The following ANKS1B variants were observed in gnomAD, a reference collection of about 807,000 sequenced individuals.
The protein encoded by ANKS1B is ankyrin repeat and sterile alpha motif domain-containing protein 1B.
In ANKS1B, 36 loss-of-function variants were observed where a neutral mutation model predicts 148.3. The ratio of observed to expected loss-of-function variants is 0.24; its 90% CI spans 0.19 to 0.32. ANKS1B has a LOEUF of 0.32. Ranked by LOEUF, ANKS1B falls within the 10% of genes least tolerant of loss-of-function variation. ANKS1B has a pLI of 1.00. For missense variants in ANKS1B, 1,157 were observed against 1,542.6 expected (o/e 0.75, Z 4.19); for synonymous variants, 542 against 560.8 (o/e 0.97, Z 0.47).
chr12:98,737,916 ATTTTCTAATAATTC>A (rs1241407937), intron 9 of ANKS1B, among the ~76,000 whole-genome samples: 1 of 152,204 alleles, frequency 6.6e-6, no homozygotes, highest in Non-Finnish European at 1.5e-5. Flanking sequence ...GGAGAAAATG[ATTTTCTAATAATTC>A]TTAGTCTTTG....
chr12:99,696,329 T>G lies in ANKS1B; in HGVS notation c.1129-41119A>C, dbSNP rs549230967. On this transcript the variant is annotated intron_variant, in intron 8 of 26. Transcript: ENST00000683438. ...AGCTTCATATCATTCCTACTCGATT[T>G]CAAGGTGTACTATAAAGCTACAATA... Among the ~76,000 whole-genome samples the G allele has an allele frequency of 2.3e-3, 351 of 152,276 alleles. 1 individual carries two copies. Among genetic ancestry groups the G allele is most frequent in the Non-Finnish European group, 3.6e-3 (244 of 68,024 alleles).
At chr12:99,368,062 G>A (rs1180766689) in intron 12 of ANKS1B, among the ~76,000 whole-genome samples, 1 of 152,104 alleles carries the variant, frequency 6.6e-6, no homozygotes, top group African/African-American at 2.4e-5. Context: ...TATTTCAAGT[G>A]ACTTTTGGCA....
intron 1 of ANKS1B, among the ~76,000 whole-genome samples, chr12:99,887,597 C>CAG (rs2092896374): frequency 6.6e-6 from 1 of 152,166 alleles, no homozygotes; most frequent in Non-Finnish European, 1.5e-5. Flanking sequence ...CATATACACA[C>CAG]AGAGTGACTT....
intron 2 of ANKS1B, among the ~76,000 whole-genome samples, chr12:99,814,430 C>T (rs2068841695): frequency 6.6e-6 from 1 of 151,614 alleles, no homozygotes; most frequent in African/African-American, 2.4e-5. Flanking sequence ...AAATGAAATG[C>T]TTATAGAAAG....
chr12:98,924,125 G>A (rs1444442682), intron 17 of ANKS1B, among the ~76,000 whole-genome samples: 1 of 152,184 alleles, frequency 6.6e-6, no homozygotes, highest in African/African-American at 2.4e-5. Context: ...AAAAGGAGGT[G>A]GCAGAGGTCT....
rs1260649304 is a variant in ANKS1B at position 99,218,899 on chromosome 12, CTA to C, written c.2419+25441_2419+25442del. ...AAAATACCATAGCATGTGAAAGATT[CTA>C]TGAGTACCTGCACCTCCTAACCATT... On this transcript the variant is annotated intron_variant, in intron 14 of 26. Transcript: ENST00000683438. Among the ~76,000 whole-genome samples the C allele has an allele frequency of 5.3e-5, 8 of 152,208 alleles. No individual in the cohort carries two copies. The East Asian group carries it at 1.5e-3, about 29-fold the overall frequency.
intron 17 of ANKS1B, among the ~76,000 whole-genome samples, chr12:98,946,939 CAAAAA>C (rs57197334): frequency 1.2e-4 from 5 of 41,554 alleles, no homozygotes; most frequent in Non-Finnish European, 2.1e-4. Context: ...GATCTTTTCT[CAAAAA>C]AAAAAAAAAA....
intron 17 of ANKS1B, among the ~76,000 whole-genome samples, chr12:98,885,325 A>G (rs1035630161): frequency 6.6e-6 from 1 of 152,262 alleles, no homozygotes; most frequent in Admixed American, 6.5e-5. Context: ...AGATTCTGGA[A>G]CAGGCTAAAG....
chr12:99,664,174 C>T (rs2098493651), intron 8 of ANKS1B, among the ~76,000 whole-genome samples: 1 of 150,444 alleles, frequency 6.6e-6, no homozygotes, highest in South Asian at 2.1e-4. Context: ...TTCAACAAGA[C>T]AGTACAGAAG....
rs386377539 is a variant in ANKS1B at position 99,088,838 on chromosome 12, G to GTTTTTTTTTTTTTTT, written c.2527-3830_2527-3816dup. ...GCTAGCAAATCTCAGTTTAACTTCT[G>GTTTTTTTTTTTTTTT]TTTTTTTTTTTTTTTTTTTTTTTTG... On this transcript the variant is annotated intron_variant, in intron 15 of 26. Transcript: ENST00000683438. Among the ~76,000 whole-genome samples, 7 of 69,850 alleles carry GTTTTTTTTTTTTTTT rather than the reference G, an allele frequency of 1.0e-4. 1 individual carries two copies. Among genetic ancestry groups the GTTTTTTTTTTTTTTT allele is most frequent in the South Asian group, 6.8e-4 (1 of 1,468 alleles). 45.8% of individuals were successfully genotyped at this position (69,850 alleles called of 152,430 possible). A position where few individuals can be genotyped will look rare whatever the true frequency, so the allele number is the denominator to read the frequency against.
chr12:99,707,775 C>T (rs1021351597), intron 8 of ANKS1B, among the ~76,000 whole-genome samples: 3 of 152,044 alleles, frequency 2.0e-5, no homozygotes, highest in Non-Finnish European at 4.4e-5. Flanking sequence ...GACTCTCTAC[C>T]TACCAGCTCT....
intron 1 of ANKS1B, among the ~76,000 whole-genome samples, chr12:99,848,376 C>A (rs1405686079): frequency 6.6e-6 from 1 of 151,756 alleles, no homozygotes; most frequent in African/African-American, 2.4e-5. Context: ...CATTCTCTAC[C>A]ATACCAAGTT....
chr12:99,719,141 G>A (rs12307703), intron 8 of ANKS1B, among the ~76,000 whole-genome samples: 35,564 of 152,086 alleles, frequency 0.23, 4,714 homozygotes, highest in Non-Finnish European at 0.31. Context: ...CCTCATGTCT[G>A]CGTGCAGCGG....
intron 4 of ANKS1B, among the ~76,000 whole-genome samples, chr12:99,797,811 A>G (rs928188805): frequency 6.6e-6 from 1 of 152,018 alleles, no homozygotes; most frequent in African/African-American, 2.4e-5. Context: ...GTTAAAGTCA[A>G]GCCTTGGTAG....
intron 4 of ANKS1B, among the ~76,000 whole-genome samples, chr12:99,805,808 C>A (rs1262463833): frequency 1.3e-5 from 2 of 151,778 alleles, no homozygotes; most frequent in African/African-American, 4.8e-5. Context: ...AGTGATCATT[C>A]CTTCATTAGT....
chr12:98,947,700 A>G (rs2099847532), intron 17 of ANKS1B, among the ~76,000 whole-genome samples: 1 of 152,292 alleles, frequency 6.6e-6, no homozygotes, highest in East Asian at 1.9e-4. Context: ...GTTATTTTCC[A>G]TAGTCTTTGA....
At chr12:98,827,138 A>G (rs1005145636) in intron 19 of ANKS1B, among the ~76,000 whole-genome samples, 1 of 152,182 alleles carries the variant, frequency 6.6e-6, no homozygotes, top group Admixed American at 6.5e-5. Context: ...GGCCTTCCAT[A>G]CTAGCGATCA....
intron 17 of ANKS1B, among the ~76,000 whole-genome samples, chr12:98,861,157 C>T (rs1212872971): frequency 6.6e-6 from 1 of 152,190 alleles, no homozygotes; most frequent in African/African-American, 2.4e-5. Context: ...AAGACAGCTT[C>T]CCCTTCGGAG....
At chr12:99,405,438 T>C (rs1328601259) in intron 11 of ANKS1B, among the ~76,000 whole-genome samples, 1 of 146,106 alleles carries the variant, frequency 6.8e-6, no homozygotes, top group African/African-American at 2.6e-5. Context: ...CCTTTGCTTG[T>C]TTGTTTATGT....
Sources: gnomAD v4.1 joint callset for allele counts (sites outside exome capture counted in the v4.1 genomes callset) on GRCh38, gnomAD v4.1.1 for gene constraint, MANE v1.5 for transcripts, NCBI Gene and HGNC (gene_info 2026-07-23, HGNC 2026-07-21) for gene names.